NUP210L: variants seen among roughly 807,000 people sequenced by gnomAD.
The protein encoded by NUP210L is nuclear pore membrane glycoprotein 210-like.
Under a neutral mutation model 208.5 loss-of-function variants are expected in NUP210L, and 74 were observed. The ratio of observed to expected loss-of-function variants is 0.35; its 90% CI spans 0.29 to 0.43. The LOEUF (loss-of-function observed/expected upper bound fraction) is 0.43. NUP210L is among the 20% of genes least tolerant of loss of function. The pLI, the probability that NUP210L is intolerant of heterozygous loss-of-function variation, is 1.00. For synonymous variants in NUP210L, 780 were observed against 816.9 expected (o/e 0.95, Z 0.77); for missense variants, 1,843 against 2,289.4 (o/e 0.81, Z 3.98).
intron 17 of NUP210L, among the ~76,000 whole-genome samples, chr1:154,067,670 T>C (rs560044455): frequency 6.6e-6 from 1 of 152,200 alleles, no homozygotes; most frequent in African/African-American, 2.4e-5. Context: ...TGTTTGCAGA[T>C]GACATGATTG....
At chr1:154,146,020 C>A (rs1315740701) in intron 2 of NUP210L, among the ~76,000 whole-genome samples, 1 of 152,058 alleles carries the variant, frequency 6.6e-6, no homozygotes. Flanking sequence ...CCTCCCAAAC[C>A]GCTGAGATTA....
At chr1:154,039,414 A>G (rs911091802) in intron 27 of NUP210L, among the ~76,000 whole-genome samples, 1 of 151,772 alleles carries the variant, frequency 6.6e-6, no homozygotes, top group Non-Finnish European at 1.5e-5. Context: ...TTGTAGTTTT[A>G]GTAGAGACGG....
intron 35 of NUP210L, among the ~76,000 whole-genome samples, chr1:154,009,366 T>C (rs1365810797): frequency 6.6e-6 from 1 of 152,122 alleles, no homozygotes; most frequent in East Asian, 1.9e-4. Flanking sequence ...AACACTGTGC[T>C]ACATGCTGGG....
At chr1:154,076,895 C>A (rs1472221079) in intron 16 of NUP210L, among the ~76,000 whole-genome samples, 1 of 151,800 alleles carries the variant, frequency 6.6e-6, no homozygotes, top group African/African-American at 2.4e-5. Flanking sequence ...CAACATCAAG[C>A]AGAATAAATT....
At chr1:154,029,415 A>C (rs1237781977) in intron 28 of NUP210L, among the ~76,000 whole-genome samples, 1 of 150,268 alleles carries the variant, frequency 6.7e-6, no homozygotes, top group East Asian at 2.0e-4. Context: ...CAAAAAAACA[A>C]AAAACAGGCC....
chr1:154,020,716 G>A (rs1054626178), intron 32 of NUP210L, among the ~76,000 whole-genome samples: 16 of 151,672 alleles, frequency 1.1e-4, no homozygotes, highest in South Asian at 2.1e-4. Context: ...TAGTAGAGAC[G>A]GGGTTTCACC....
In NUP210L at chr1:154,152,799, C is replaced by T. The variant is rs752632466; in HGVS notation, c.277G>A (p.Val93Ile). The change falls in exon 2 of 40, where the codon GTA becomes ATA. Residue 93 changes from valine to isoleucine, a missense_variant. Coordinates refer to ENST00000368559, the Ensembl canonical transcript of NUP210L. Reference sequence around the variant, plus strand: ...GGTTGCGTAGATTCAGCAATGAGTACAGCTTTTTGGGAACACAAGGTGCCA... The same window carrying T: ...GGTTGCGTAGATTCAGCAATGAGTATAGCTTTTTGGGAACACAAGGTGCCA... 3.1e-6 allele frequency: 5 copies of T among 1,613,934 alleles called. No homozygotes were observed. The South Asian group carries it at 5.5e-5, about 18-fold the overall frequency.
chr1:154,060,693 C>T (rs1654086828), intron 19 of NUP210L, 52 bp from the exon 20 acceptor site: 1 of 1,231,044 alleles, frequency 8.1e-7, no homozygotes, highest in Admixed American at 1.8e-5. Flanking sequence ...TTATAAATAG[C>T]TCAAAGGAAA....
At chr1:154,101,129 G>A (rs1279271306) in intron 13 of NUP210L, among the ~76,000 whole-genome samples, 5 of 132,678 alleles carry the variant, frequency 3.8e-5, no homozygotes, top group South Asian at 2.4e-4. Flanking sequence ...CCGAGATTGC[G>A]CCATTGCACT....
chr1:154,046,499 G>C, intron 25 of NUP210L, 130 bp from the exon 26 acceptor site: 1 of 738,586 alleles, frequency 1.4e-6, no homozygotes, highest in Non-Finnish European at 2.3e-6. Context: ...GCTTATTGCA[G>C]CACTATTCAC....
At chr1:153,994,983 G>T in intron 38 of NUP210L, 93 bp downstream of exon 38, 1 of 772,634 alleles carries the variant, frequency 1.3e-6, no homozygotes, top group Non-Finnish European at 2.1e-6. Flanking sequence ...CTGCACTCCA[G>T]CGTGGGCGAC....
At chr1:154,142,844 G>T (rs1349670699) in intron 3 of NUP210L, among the ~76,000 whole-genome samples, 2 of 142,684 alleles carry the variant, frequency 1.4e-5, no homozygotes, top group Admixed American at 1.4e-4. Flanking sequence ...AGCCAAGATC[G>T]CACCACTGCA....
intron 35 of NUP210L, among the ~76,000 whole-genome samples, chr1:154,009,066 C>T (rs137904565): frequency 0.019 from 2,934 of 152,022 alleles, 101 homozygotes; most frequent in African/African-American, 0.066. Flanking sequence ...CCTCCCACCA[C>T]GCCTGGCTAA....
intron 6 of NUP210L, 77 bp downstream of exon 6, chr1:154,138,029 A>G: frequency 1.0e-6 from 1 of 1,004,148 alleles, no homozygotes; most frequent in Non-Finnish European, 1.4e-6. Flanking sequence ...TTTCATATGT[A>G]ATGTGGAGTT....
At chr1:154,127,558 T>A in intron 8 of NUP210L, 141 bp from the exon 9 acceptor site, 1 of 362,160 alleles carries the variant, frequency 2.8e-6, no homozygotes, top group East Asian at 5.0e-5. Context: ...AGGTTCTTTT[T>A]TTTTTTTTTT....
chr1:154,053,282 G>A (rs909555823), intron 25 of NUP210L, among the ~76,000 whole-genome samples: 1 of 152,198 alleles, frequency 6.6e-6, no homozygotes, highest in South Asian at 2.1e-4. Flanking sequence ...CTGTGATTTC[G>A]ATGATGATTG....
At chr1:154,068,487 C>T (rs1248449315) in intron 17 of NUP210L, among the ~76,000 whole-genome samples, 2 of 152,096 alleles carry the variant, frequency 1.3e-5, no homozygotes, top group Non-Finnish European at 2.9e-5. Context: ...CAAGACCATC[C>T]TGGCTAACAT....
intron 16 of NUP210L, among the ~76,000 whole-genome samples, chr1:154,071,104 G>GT (rs1007878249): frequency 1.2e-3 from 168 of 141,236 alleles, no homozygotes; most frequent in East Asian, 2.5e-3. Context: ...TTTGTTTTTT[G>GT]TTTTTTTTTT....
At chr1:154,078,015 A>G (rs1655128013) in intron 16 of NUP210L, among the ~76,000 whole-genome samples, 2 of 151,914 alleles carry the variant, frequency 1.3e-5, no homozygotes, top group Non-Finnish European at 1.5e-5. Flanking sequence ...TTTATAAAGT[A>G]ATAATTATAG....
Sources: allele counts gnomAD v4.1 joint callset (sites outside exome capture counted in the v4.1 genomes callset), GRCh38; gene constraint gnomAD v4.1.1; transcripts MANE v1.5; gene names NCBI Gene and HGNC (gene_info 2026-07-23, HGNC 2026-07-21).